MALRD1: variants seen among roughly 807,000 people sequenced by gnomAD.
MALRD1 encodes MAM and LDL-receptor class A domain-containing protein 1.
In MALRD1, 247 loss-of-function variants were observed where a neutral mutation model predicts 242.1. The ratio of observed to expected loss-of-function variants is 1.02; its 90% CI spans 0.92 to 1.13. MALRD1 has a LOEUF of 1.13. MALRD1 is among the 50% of genes most tolerant of loss of function. The pLI is 0.00. For synonymous variants in MALRD1, 995 were observed against 866.6 expected (o/e 1.15, Z -2.60); for missense variants, 2,989 against 2,533.1 (o/e 1.18, Z -3.86).
intron 36 of MALRD1, among the ~76,000 whole-genome samples, chr10:19,664,371 T>C (rs1841579243): frequency 6.6e-6 from 1 of 152,072 alleles, no homozygotes; most frequent in Non-Finnish European, 1.5e-5. Flanking sequence ...ATCAGAATAA[T>C]CATGCACTCC....
At chr10:19,641,112 A>G (rs986123599) in intron 36 of MALRD1, among the ~76,000 whole-genome samples, 2 of 152,228 alleles carry the variant, frequency 1.3e-5, no homozygotes, top group Non-Finnish European at 1.5e-5. Context: ...CCCTAAAGGT[A>G]TATTTAATGT....
intron 13 of MALRD1, among the ~76,000 whole-genome samples, chr10:19,170,798 C>A (rs567784066): frequency 6.6e-6 from 1 of 152,100 alleles, no homozygotes; most frequent in Non-Finnish European, 1.5e-5. Context: ...ATTCTCTAAT[C>A]TTCTGTTTCT....
chr10:19,505,930 A>G (rs927293222), intron 31 of MALRD1, among the ~76,000 whole-genome samples: 1 of 152,220 alleles, frequency 6.6e-6, no homozygotes, highest in African/African-American at 2.4e-5. Context: ...TTGGCTGCAT[A>G]TTAGAATCAT....
At chr10:19,224,731 A>T (rs1458738888) in intron 18 of MALRD1, among the ~76,000 whole-genome samples, 1 of 152,092 alleles carries the variant, frequency 6.6e-6, no homozygotes, top group Middle Eastern at 3.2e-3. Context: ...GATTCTGGAT[A>T]TTAGCCCTTT....
At chr10:19,514,100 A>G (rs1366937659) in intron 31 of MALRD1, among the ~76,000 whole-genome samples, 2 of 152,134 alleles carry the variant, frequency 1.3e-5, no homozygotes, top group African/African-American at 4.8e-5. Context: ...GAATAAAACA[A>G]TGAACTATCT....
At chr10:19,068,479 G>C (rs993168502) in intron 2 of MALRD1, among the ~76,000 whole-genome samples, 1 of 152,018 alleles carries the variant, frequency 6.6e-6, no homozygotes, top group Non-Finnish European at 1.5e-5. Flanking sequence ...CTGCCAGTCA[G>C]CTGGTTTTGT....
intron 24 of MALRD1, among the ~76,000 whole-genome samples, chr10:19,343,733 A>C (rs1203403370): frequency 6.6e-6 from 1 of 152,004 alleles, no homozygotes; most frequent in Admixed American, 6.6e-5. Flanking sequence ...AGGTAACCAT[A>C]CCCTGGTGCT....
chr10:19,651,626 C>T (rs1840896824), intron 36 of MALRD1, among the ~76,000 whole-genome samples: 1 of 152,074 alleles, frequency 6.6e-6, no homozygotes, highest in Non-Finnish European at 1.5e-5. Flanking sequence ...TGGATAAAAA[C>T]ATAAAGAAGG....
At chr10:19,280,491 A>C (rs1405096714) in intron 20 of MALRD1, among the ~76,000 whole-genome samples, 1 of 152,212 alleles carries the variant, frequency 6.6e-6, no homozygotes, top group East Asian at 1.9e-4. Flanking sequence ...CTCTGGGAGT[A>C]GCATTTAGTA....
chr10:19,625,831 C>A (rs888510032), intron 36 of MALRD1, among the ~76,000 whole-genome samples: 1 of 152,144 alleles, frequency 6.6e-6, no homozygotes, highest in African/African-American at 2.4e-5. Context: ...TCAGCTAAAT[C>A]ATCTCCGTAG....
intron 36 of MALRD1, among the ~76,000 whole-genome samples, chr10:19,640,625 A>C (rs1348830113): frequency 6.6e-6 from 1 of 152,202 alleles, no homozygotes; most frequent in Non-Finnish European, 1.5e-5. Context: ...GTCTCCTAGC[A>C]CTAGACTATT....
chr10:19,573,205 C>A (rs1269635365), intron 33 of MALRD1, among the ~76,000 whole-genome samples: 1 of 152,134 alleles, frequency 6.6e-6, no homozygotes, highest in Middle Eastern at 3.2e-3. Flanking sequence ...CCTTCTGGAT[C>A]CTGCCCCAGG....
chr10:19,733,637 AT>A lies in MALRD1; in HGVS notation c.6391-511del, dbSNP rs954502298. On this transcript the variant is annotated intron_variant, in intron 39 of 39. Transcript: ENST00000454679. ...TCATCTCTAGGTTCCATTCTGTCTTATTTTTTTTTCTTGCACATTATTTGTT... is the reference window on the plus strand; with the variant it reads ...TCATCTCTAGGTTCCATTCTGTCTTATTTTTTTTCTTGCACATTATTTGTT... Among the ~76,000 whole-genome samples the A allele has an allele frequency of 1.7e-4, 25 of 148,550 alleles. No homozygotes were observed. In the East Asian group the frequency reaches 2.0e-3, roughly 12 times the overall value.
At chr10:19,098,758 G>C (rs1271155190) in intron 4 of MALRD1, among the ~76,000 whole-genome samples, 7 of 152,162 alleles carry the variant, frequency 4.6e-5, no homozygotes, top group Non-Finnish European at 8.8e-5. Flanking sequence ...CATACAAGGA[G>C]TGAGGTTAAG....
At chr10:19,583,799 G>C (rs943454015) in intron 33 of MALRD1, among the ~76,000 whole-genome samples, 1 of 151,828 alleles carries the variant, frequency 6.6e-6, no homozygotes, top group Non-Finnish European at 1.5e-5. Context: ...AGAAGGAATG[G>C]TACCAGTTCC....
At chr10:19,264,905 G>C (rs1419208710) in intron 19 of MALRD1, among the ~76,000 whole-genome samples, 1 of 152,078 alleles carries the variant, frequency 6.6e-6, no homozygotes, top group Non-Finnish European at 1.5e-5. Flanking sequence ...GGAGATTTTG[G>C]TTAATTATTC....
At chr10:19,370,659 C>T (rs1845332819) in intron 26 of MALRD1, among the ~76,000 whole-genome samples, 1 of 152,090 alleles carries the variant, frequency 6.6e-6, no homozygotes, top group South Asian at 2.1e-4. Context: ...TTCACTTCAA[C>T]CTCTGCCTCC....
At chr10:19,605,768 A>G (rs1282266392) in intron 34 of MALRD1, among the ~76,000 whole-genome samples, 2 of 151,860 alleles carry the variant, frequency 1.3e-5, no homozygotes, top group Non-Finnish European at 2.9e-5. Context: ...ACTAAGTTTG[A>G]CCTTATGGAA....
chr10:19,549,173 G>C (rs1227219559), intron 32 of MALRD1, among the ~76,000 whole-genome samples: 1 of 152,200 alleles, frequency 6.6e-6, no homozygotes, highest in Non-Finnish European at 1.5e-5. Context: ...TGGAAGAAAA[G>C]TTGGAAGCTA....
Sources: gnomAD v4.1 joint callset for allele counts (sites outside exome capture counted in the v4.1 genomes callset) on GRCh38, gnomAD v4.1.1 for gene constraint, MANE v1.5 for transcripts, NCBI Gene and HGNC (gene_info 2026-07-23, HGNC 2026-07-21) for gene names.